Variants in CCR6 observed in about 807,000 individuals in gnomAD.
The protein encoded by CCR6 is C-C chemokine receptor type 6.
In CCR6, 2 loss-of-function variants were observed where a neutral mutation model predicts 3.0. The ratio of observed to expected loss-of-function variants is 0.66; its 90% confidence interval spans 0.27 to 2.07. The LOEUF (loss-of-function observed/expected upper bound fraction) is 2.07, where lower values mean the gene tolerates loss of function less well. Ranked by LOEUF, CCR6 falls within the 30% of genes most tolerant of loss-of-function variation. CCR6 has a pLI of 0.14. For synonymous variants in CCR6, 193 were observed against 184.3 expected (o/e 1.05, Z -0.38); for missense variants, 322 against 462.8 (o/e 0.70, Z 2.79).
At chr6:167,113,239 C>G (rs956955289) in intron 1 of CCR6, among the ~76,000 whole-genome samples, 2 of 152,112 alleles carry the variant, frequency 1.3e-5, no homozygotes, top group Non-Finnish European at 2.9e-5. Context: ...GGGAGACCCT[C>G]AGGTGCACAT....
chr6:167,131,842 G>C (rs371034861), intron 1 of CCR6, among the ~76,000 whole-genome samples: 47 of 152,242 alleles, frequency 3.1e-4, no homozygotes, highest in African/African-American at 8.7e-4. Flanking sequence ...CTTTATTGAG[G>C]CTAATTTATA....
At chr6:167,134,136 G>A (rs1006036866) in intron 1 of CCR6, among the ~76,000 whole-genome samples, 3 of 151,842 alleles carry the variant, frequency 2.0e-5, no homozygotes, top group South Asian at 2.1e-4. Context: ...ATCCTGTGAT[G>A]CCTAGTGCCG....
At chr6:167,117,425 T>C (rs532768273) in intron 1 of CCR6, among the ~76,000 whole-genome samples, 2 of 143,500 alleles carry the variant, frequency 1.4e-5, no homozygotes, top group South Asian at 4.5e-4. Flanking sequence ...CTTTTTTTTT[T>C]TTTTTTTTTG....
At chr6:167,123,841 G>A (rs917407641) in intron 1 of CCR6, among the ~76,000 whole-genome samples, 3 of 152,228 alleles carry the variant, frequency 2.0e-5, no homozygotes, top group African/African-American at 7.2e-5. Context: ...GCTAGGTGCA[G>A]TGGCTCATAC....
In CCR6 at chr6:167,113,883, T is replaced by G. The variant is rs548615275; in HGVS notation, c.-98+1869T>G. ...TCCTCTTTACTTTTTAAAGCACTCC[T>G]ATTTTGGGGGGTAGAATGAGAAGAT... On this transcript the variant is annotated intron_variant, in intron 1 of 2. Coordinates refer to the CCR6 transcript ENST00000400926. 5.9e-3 allele frequency among the ~76,000 whole-genome samples: 896 copies of G among 152,244 alleles called. 3 individuals carry two copies. The highest frequency in any genetic ancestry group is 9.3e-3 in the Non-Finnish European group (634 of 68,006).
chr6:167,124,796 C>CAT (rs1554281769), intron 1 of CCR6, among the ~76,000 whole-genome samples: 3 of 101,220 alleles, frequency 3.0e-5, no homozygotes, highest in Non-Finnish European at 6.4e-5. Context: ...ACAGCATATG[C>CAT]GCGCACACAC....
rs770674712 is a variant in CCR6 at position 167,136,358 on chromosome 6, A to C, written c.128A>C (p.Gln43Pro). The change falls in exon 3 of 3, where the codon CAG becomes CCG. Residue 43 changes from glutamine (Q) to proline (P), a missense_variant. Physicochemically the swap from Gln to Pro is moderately conservative, Grantham distance 76 (BLOSUM62 -1). Coordinates refer to ENST00000341935, the MANE Select transcript of CCR6 (RefSeq NM_031409.4). The surrounding 1 kb of genome is among the most constrained non-coding windows in gnomAD (Gnocchi z 4.6). ...CTGTGCTCCTTGCAGGAGGTCAGGCAGTTCTCCAGGCTATTTGTACCGATT... is the reference window on the plus strand; with the variant it reads ...CTGTGCTCCTTGCAGGAGGTCAGGCCGTTCTCCAGGCTATTTGTACCGATT... ...MLLCSLQEVR[Q>P]FSRLFVPIAY... The C allele has an allele frequency of 5.0e-6, 8 of 1,614,108 alleles. No homozygotes were observed. The highest frequency in any genetic ancestry group is 2.7e-5 in the African/African-American group (2 of 74,948).
intron 1 of CCR6, chr6:167,115,783 AT>A (rs1250749133): frequency 1.3e-5 from 2 of 152,216 alleles, no homozygotes; most frequent in African/African-American, 4.8e-5. Flanking sequence ...TACAAAGAGA[AT>A]TTTTTAATAA....
At chr6:167,125,591 G>A (rs1443223873) in intron 1 of CCR6, among the ~76,000 whole-genome samples, 3 of 152,228 alleles carry the variant, frequency 2.0e-5, no homozygotes, top group Non-Finnish European at 4.4e-5. Flanking sequence ...TTTCTCTAAG[G>A]TAGAGGCACC....
intron 1 of CCR6, among the ~76,000 whole-genome samples, chr6:167,112,762 G>A (rs1489014611): frequency 6.6e-6 from 1 of 152,124 alleles, no homozygotes; most frequent in African/African-American, 2.4e-5. Context: ...ACGAAGGTGG[G>A]ATGGGGTGAG....
At chr6:167,112,731 G>A (rs1393070310) in intron 1 of CCR6, among the ~76,000 whole-genome samples, 1 of 152,132 alleles carries the variant, frequency 6.6e-6, no homozygotes. Context: ...CCAGGAGGGA[G>A]GAAAGAGCCA....
Position 167,137,769 on chromosome 6 carries a change from C to T in CCR6, c.*414C>T, listed in dbSNP as rs1781872147. Reference sequence around the variant, plus strand: ...ACTAAAACAGAAAAAAAAATGGAAGCCAACACATCACTCATTTTAGGCAAA... The same window carrying T: ...ACTAAAACAGAAAAAAAAATGGAAGTCAACACATCACTCATTTTAGGCAAA... On this transcript the variant is annotated 3_prime_UTR_variant, in exon 3 of 3. Transcript: ENST00000341935. The surrounding 1 kb of genome is among the most constrained non-coding windows in gnomAD (Gnocchi z 4.6). 6.1e-6 allele frequency: 1 copy of T among 164,974 alleles called. No individual in the cohort carries two copies. Among genetic ancestry groups the T allele is most frequent in the South Asian group, 1.5e-4 (1 of 6,494 alleles). The allele number at this position is 164,974 out of a possible 1,614,324, so 10.2% of individuals were successfully genotyped here.
In CCR6 at chr6:167,136,373, T is replaced by C. The variant is rs1291154698; in HGVS notation, c.143T>C (p.Phe48Ser). Residue 48 changes from phenylalanine to serine, a missense_variant, in exon 3 of 3, where the codon TTT becomes TCT. Transcript: ENST00000341935. This position sits in a 1 kb window ranked among gnomAD's most constrained non-coding sequence, Gnocchi z 4.6. ...LQEVRQFSRL[F>S]VPIAYSLICV... Reference sequence around the variant, plus strand: ...GAGGTCAGGCAGTTCTCCAGGCTATTTGTACCGATTGCCTACTCCTTGATC... The same window carrying C: ...GAGGTCAGGCAGTTCTCCAGGCTATCTGTACCGATTGCCTACTCCTTGATC... The C allele has an allele frequency of 2.5e-6, 4 of 1,614,216 alleles. No individual in the cohort carries two copies. Among genetic ancestry groups the C allele is most frequent in the Non-Finnish European group, 3.4e-6 (4 of 1,180,038 alleles).
upstream of CCR6, among the ~76,000 whole-genome samples, chr6:167,118,458 A>AT (rs533595175): frequency 3.5e-3 from 540 of 152,180 alleles, 7 homozygotes; most frequent in African/African-American, 0.012. Flanking sequence ...AATGACATCC[A>AT]TTTTCTTCCC....
intron 1 of CCR6, chr6:167,116,288 G>C (rs1781491792): frequency 6.6e-6 from 1 of 152,210 alleles, no homozygotes; most frequent in South Asian, 2.1e-4. Flanking sequence ...GAACTCTCCA[G>C]AGCCTCTGGA....
chr6:167,137,165 A>G lies in CCR6; in HGVS notation c.935A>G (p.Asn312Ser), dbSNP rs1335337797. 6.2e-7 allele frequency: 1 copy of G among 1,614,096 alleles called. No homozygotes were observed. The highest frequency in any genetic ancestry group is 1.1e-5 in the South Asian group (1 of 91,074). Residue 312 changes from asparagine (N) to serine (S), a missense_variant, in exon 3 of 3, where the codon AAC becomes AGC. Physicochemically the swap from Asn to Ser is conservative, Grantham distance 46 (BLOSUM62 1). Transcript: ENST00000341935. The surrounding 1 kb of genome is among the most constrained non-coding windows in gnomAD (Gnocchi z 4.6). Reference protein sequence around the residue: ...EVLAFLHCCLNPVLYAFIGQK... With the variant: ...EVLAFLHCCLSPVLYAFIGQK... ...CTGGCTTTCCTGCACTGCTGCCTGAACCCTGTGCTCTACGCTTTTATTGGG... is the reference window on the plus strand; with the variant it reads ...CTGGCTTTCCTGCACTGCTGCCTGAGCCCTGTGCTCTACGCTTTTATTGGG...
At chr6:167,134,640 G>A (rs1198506472) in intron 1 of CCR6, among the ~76,000 whole-genome samples, 1 of 148,638 alleles carries the variant, frequency 6.7e-6, no homozygotes, top group Non-Finnish European at 1.5e-5. Context: ...GGACTGATAT[G>A]ACACAGTGTG....
Position 167,137,045 on chromosome 6 carries a change from T to A in CCR6, c.815T>A (p.Met272Lys). Residue 272 changes from methionine (M) to lysine (K), a missense_variant, in exon 3 of 3, where the codon ATG becomes AAG. Coordinates refer to ENST00000341935, the MANE Select transcript of CCR6 (RefSeq NM_031409.4). The surrounding 1 kb of genome is among the most constrained non-coding windows in gnomAD (Gnocchi z 4.6). ...CTGGCTTGTCAGATTCCTCATAACA[T>A]GGTCCTGCTTGTGACGGCTGCAAAT... ...VFLACQIPHN[M>K]VLLVTAANLG... 1 of 1,614,184 alleles carries A rather than the reference T, an allele frequency of 6.2e-7. No individual in the cohort carries two copies. The highest frequency in any genetic ancestry group is 8.5e-7 in the Non-Finnish European group (1 of 1,180,026).
At chr6:167,115,400 G>A (rs973358777) in intron 1 of CCR6, 3 of 152,242 alleles carry the variant, frequency 2.0e-5, no homozygotes, top group African/African-American at 7.2e-5. Context: ...TGATTCTGCT[G>A]GAAGTCGGTT....
Sources: allele counts gnomAD v4.1 joint callset (sites outside exome capture counted in the v4.1 genomes callset), GRCh38; gene constraint gnomAD v4.1.1; non-coding constraint Gnocchi (gnomAD v3.1); transcripts MANE v1.5; gene names NCBI Gene and HGNC (gene_info 2026-07-23, HGNC 2026-07-21).